ATP6V0E1: variants seen among roughly 807,000 people sequenced by gnomAD.
ATP6V0E1 encodes ATPase H+ transporting V0 subunit e1, also known as V-type proton ATPase subunit e 1.
A neutral mutation model predicts 11.6 loss-of-function variants in ATP6V0E1; 4 were observed. That is an observed-to-expected ratio of 0.35 (90% CI 0.17 to 0.79). ATP6V0E1 has a LOEUF of 0.79. Among genes scored for constraint, ATP6V0E1 ranks in the 30% least tolerant of loss-of-function variants. ATP6V0E1 has a pLI of 0.54. For synonymous variants in ATP6V0E1, 36 were observed against 34.8 expected (o/e 1.04, Z -0.13); for missense variants, 105 against 100.0 (o/e 1.05, Z -0.21).
chr5:173,012,948 G>T (rs1390900349), intron 2 of ATP6V0E1, among the ~76,000 whole-genome samples: 1 of 151,982 alleles, frequency 6.6e-6, no homozygotes, highest in Non-Finnish European at 1.5e-5. Flanking sequence ...TGAGGTGGGA[G>T]GATCAGTTGA....
intron 2 of ATP6V0E1, among the ~76,000 whole-genome samples, chr5:173,016,125 T>A (rs192718354): frequency 6.6e-6 from 1 of 152,302 alleles, no homozygotes; most frequent in South Asian, 2.1e-4. Context: ...CCTCCCCGAT[T>A]TATAGCCAGT....
At chr5:173,010,313 C>T (rs1039500852) in intron 2 of ATP6V0E1, among the ~76,000 whole-genome samples, 2 of 152,164 alleles carry the variant, frequency 1.3e-5, no homozygotes, top group Non-Finnish European at 2.9e-5. Context: ...GGCTTGAATA[C>T]ATTTTTAGCT....
At chr5:173,008,064 C>T (rs1336945387) in intron 2 of ATP6V0E1, among the ~76,000 whole-genome samples, 1 of 152,136 alleles carries the variant, frequency 6.6e-6, no homozygotes, top group South Asian at 2.1e-4. Flanking sequence ...ACACCCACTC[C>T]GCGACCTCCG....
chr5:173,017,156 G>A (rs906957051), intron 2 of ATP6V0E1, among the ~76,000 whole-genome samples: 4 of 152,186 alleles, frequency 2.6e-5, no homozygotes, highest in Non-Finnish European at 5.9e-5. Context: ...GTTGGGGCTT[G>A]GCTAGTTCCC....
chr5:173,024,822 T>C (rs72814146), intron 3 of ATP6V0E1, among the ~76,000 whole-genome samples: 4,921 of 151,184 alleles, frequency 0.033, 107 homozygotes, highest in East Asian at 0.084. Flanking sequence ...AGAGTTTTTA[T>C]TTTATTTTAT....
At chr5:173,007,856 G>A (rs1235350474) in intron 2 of ATP6V0E1, among the ~76,000 whole-genome samples, 2 of 152,200 alleles carry the variant, frequency 1.3e-5, no homozygotes, top group Non-Finnish European at 2.9e-5. Flanking sequence ...CAGGCAGGGG[G>A]CGAGGTCATC....
At chr5:172,988,251 T>C (rs1242489869) in intron 1 of ATP6V0E1, among the ~76,000 whole-genome samples, 3 of 152,222 alleles carry the variant, frequency 2.0e-5, no homozygotes, top group Non-Finnish European at 4.4e-5. Flanking sequence ...ATGTGGCAAT[T>C]GTCAAGTGCC....
chr5:172,991,968 TCTTC>T (rs1294041706), intron 1 of ATP6V0E1, among the ~76,000 whole-genome samples: 1 of 151,670 alleles, frequency 6.6e-6, no homozygotes, highest in Admixed American at 6.6e-5. Context: ...TTTCTTTCCT[TCTTC>T]CTTTATTTTT....
chr5:173,002,379 T>G (rs946282809), intron 2 of ATP6V0E1, among the ~76,000 whole-genome samples: 1 of 152,236 alleles, frequency 6.6e-6, no homozygotes, highest in African/African-American at 2.4e-5. Context: ...TTTATAGGCT[T>G]CTTCTCCATA....
Position 173,032,238 on chromosome 5 carries a change from C to CTTTTATTTTA in ATP6V0E1, c.*37-2152_*37-2143dup, listed in dbSNP as rs1384266139. Among the ~76,000 whole-genome samples, 803 of 122,778 alleles carry CTTTTATTTTA rather than the reference C, an allele frequency of 6.5e-3. 22 individuals are homozygous for CTTTTATTTTA. The highest frequency in any genetic ancestry group is 8.4e-3 in the African/African-American group (266 of 31,608). The allele number at this position is 122,778 out of a possible 152,430, so 80.5% of individuals were successfully genotyped here. On this transcript the variant is annotated intron_variant, in intron 3 of 3. Transcript: ENST00000519374. The stretch of plus-strand genomic sequence containing the variant: ...TGCCATGTAACATAATGCACATTTA[C>CTTTTATTTTA]TTTTATTTTATTTTATTTATTTATT...
At chr5:173,018,695 G>A (rs1367193262) in intron 2 of ATP6V0E1, among the ~76,000 whole-genome samples, 1 of 152,126 alleles carries the variant, frequency 6.6e-6, no homozygotes, top group Admixed American at 6.6e-5. Flanking sequence ...TGTAAGCTCT[G>A]TGAGGATAGT....
chr5:172,988,041 A>G (rs1285796037), intron 1 of ATP6V0E1, among the ~76,000 whole-genome samples: 2 of 152,210 alleles, frequency 1.3e-5, no homozygotes, highest in African/African-American at 4.8e-5. Context: ...ATCCTATCCT[A>G]TAAGTTTTTT....
At chr5:173,015,635 C>T (rs977660409) in intron 2 of ATP6V0E1, among the ~76,000 whole-genome samples, 26 of 152,266 alleles carry the variant, frequency 1.7e-4, no homozygotes, top group African/African-American at 6.0e-4. Flanking sequence ...GGAAGCTATT[C>T]CTGGAGGCTG....
rs1419486628 is a variant in ATP6V0E1, at chr5:173,022,205, C to A, written c.*36+1838C>A. Among the ~76,000 whole-genome samples, 3 of 152,228 alleles carry A rather than the reference C, an allele frequency of 2.0e-5. No homozygotes were observed. The East Asian group carries it at 5.8e-4, about 29-fold the overall frequency. ...GTTAAATGGAAGTTAGCTTTAAATG[C>A]CTTGACTAGATTTAGGTTCAAGTTT... On this transcript the variant is annotated intron_variant, in intron 3 of 3. Transcript: ENST00000519374.
At position 173,014,235 on chromosome 5, in the gene ATP6V0E1, C is replaced by G. The variant is rs185958869; in HGVS notation, c.153-6003C>G. Among the ~76,000 whole-genome samples the G allele has an allele frequency of 5.4e-3, 806 of 149,206 alleles. 10 individuals are homozygous for G. Among genetic ancestry groups the G allele is most frequent in the African/African-American group, 0.019 (767 of 40,562 alleles). On this transcript the variant is annotated intron_variant, in intron 2 of 3. Coordinates refer to ENST00000519374, the MANE Select transcript of ATP6V0E1 (RefSeq NM_003945.4). ...GCAGAGAAAAGGAAACTTTTATACA[C>G]TGTTAGTGAGAATGTAAATTAGTAT... is the stretch of plus-strand genomic sequence containing the variant.
intron 3 of ATP6V0E1, among the ~76,000 whole-genome samples, chr5:173,032,877 C>T (rs1257051078): frequency 6.6e-6 from 1 of 152,106 alleles, no homozygotes; most frequent in East Asian, 1.9e-4. Context: ...CAAGAGGAAA[C>T]CTGAGCCCAG....
intron 2 of ATP6V0E1, among the ~76,000 whole-genome samples, chr5:173,012,133 G>A (rs1035803062): frequency 1.3e-5 from 2 of 151,040 alleles, no homozygotes; most frequent in African/African-American, 4.9e-5. Context: ...CCAGGTTCAA[G>A]TGATTCTCCT....
At chr5:172,986,941 C>G (rs1316639960) in intron 1 of ATP6V0E1, 10 of 274,246 alleles carry the variant, frequency 3.6e-5, no homozygotes, top group Non-Finnish European at 7.2e-5. Context: ...GCGCGCACCA[C>G]CATGCCCAGC....
chr5:173,009,518 G>A (rs1756284624), intron 2 of ATP6V0E1, among the ~76,000 whole-genome samples: 2 of 140,890 alleles, frequency 1.4e-5, no homozygotes, highest in South Asian at 2.3e-4. Flanking sequence ...TGGCTGGAGT[G>A]CAGTGGTGCA....
Sources: gnomAD v4.1 joint callset for allele counts (sites outside exome capture counted in the v4.1 genomes callset) on GRCh38, gnomAD v4.1.1 for gene constraint, MANE v1.5 for transcripts, NCBI Gene and HGNC (gene_info 2026-07-23, HGNC 2026-07-21) for gene names.